Variants in ZNF518A observed in about 807,000 individuals in gnomAD.
The protein encoded by ZNF518A is zinc finger protein 518.
A neutral mutation model predicts 102.7 loss-of-function variants in ZNF518A; 47 were observed. That is an observed-to-expected ratio of 0.46 (90% CI 0.36 to 0.58). ZNF518A has a LOEUF of 0.58. Among genes scored for constraint, ZNF518A ranks in the 20% least tolerant of loss-of-function variants. The pLI, the probability that ZNF518A is intolerant of heterozygous loss-of-function variation, is 0.00. For synonymous variants in ZNF518A, 652 were observed against 594.6 expected (o/e 1.10, Z -1.40); for missense variants, 1,793 against 1,699.8 (o/e 1.05, Z -0.96).
intron 3 of ZNF518A, among the ~76,000 whole-genome samples, chr10:96,144,266 A>G (rs2082070640): frequency 6.6e-6 from 1 of 152,120 alleles, no homozygotes; most frequent in African/African-American, 2.4e-5. Flanking sequence ...GATTATAGGC[A>G]TGAGTCACCA....
chr10:96,157,993 A>T lies in ZNF518A; in HGVS notation c.1671A>T (p.Ser557=). ...GTGTATCTTCTTTGTCAGCAACATC[A>T]GAATTGGTTACAGCATCAGTGAATT... is the stretch of plus-strand genomic sequence containing the variant. ...EKSVSSLSAT[S]ELVTASVNLT... Residue 557 remains serine, a synonymous_variant, in exon 6 of 6, where the codon TCA becomes TCT. Coordinates refer to ENST00000316045, the MANE Select transcript of ZNF518A (RefSeq NM_001330736.2). 1 of 1,613,832 alleles carries T rather than the reference A, an allele frequency of 6.2e-7. No individual in the cohort carries two copies. The highest frequency in any genetic ancestry group is 8.5e-7 in the Non-Finnish European group (1 of 1,179,784).
intron 3 of ZNF518A, among the ~76,000 whole-genome samples, chr10:96,138,764 A>G (rs1554875420): frequency 6.6e-6 from 1 of 152,196 alleles, no homozygotes; most frequent in Non-Finnish European, 1.5e-5. Flanking sequence ...CAAGTCTGGC[A>G]GCATCCCACA....
intron 1 of ZNF518A, among the ~76,000 whole-genome samples, chr10:96,201,384 A>C (rs371071341): frequency 1.3e-5 from 2 of 152,270 alleles, no homozygotes; most frequent in Non-Finnish European, 2.9e-5. Flanking sequence ...GCAGTAACAT[A>C]CATTAAAGAG....
rs1389618093 is a variant in ZNF518A, at chr10:96,175,909, T to C, written n.35+19862T>C. 1.9e-4 allele frequency among the ~76,000 whole-genome samples: 25 copies of C among 134,126 alleles called. 1 individual carries two copies. The highest frequency in any genetic ancestry group is 3.1e-4 in the South Asian group (1 of 3,214). The allele number at this position is 134,126 out of a possible 152,430, so 88.0% of individuals were successfully genotyped here. A position where few individuals can be genotyped will look rare whatever the true frequency, so the allele number is the denominator to read the frequency against. On this transcript the variant is annotated intron_variant and non_coding_transcript_variant, in intron 1 of 2. Transcript: ENST00000442635. Reference sequence around the variant, plus strand: ...TTCCTTCCTTCCTTCCTTCCTTCCTTCCTTCCTTCCTTCCTTCCTTCCTTC... The same window carrying C: ...TTCCTTCCTTCCTTCCTTCCTTCCTCCCTTCCTTCCTTCCTTCCTTCCTTC...
Position 96,159,720 on chromosome 10 carries a change from C to T in ZNF518A, c.3398C>T (p.Pro1133Leu). Residue 1133 changes from proline to leucine, a missense_variant, in exon 6 of 6, where the codon CCA becomes CTA. Physicochemically the swap from Pro to Leu is moderately conservative, Grantham distance 98. Around this residue, in one of 3 missense-constraint regions of ZNF518A, gnomAD observed 1,741 missense variants for 1,622.6 expected, o/e 1.07. Coordinates refer to ENST00000316045, the MANE Select transcript of ZNF518A (RefSeq NM_001330736.2). ...VQNSTYQNIQ[P>L]KKPEGTPQRI... ...AATAGTACTTATCAAAATATACAGC[C>T]AAAGAAACCTGAAGGAACACCACAA... 2 of 1,613,106 alleles carry T rather than the reference C, an allele frequency of 1.2e-6. No homozygotes were observed. Among genetic ancestry groups the T allele is most frequent in the South Asian group, 1.1e-5 (1 of 91,068 alleles).
chr10:96,188,744 C>G (rs2083287527), intron 1 of ZNF518A, among the ~76,000 whole-genome samples: 1 of 152,122 alleles, frequency 6.6e-6, no homozygotes, highest in South Asian at 2.1e-4. Context: ...TCCCAAACCC[C>G]TATATACCTG....
intron 3 of ZNF518A, 90 bp downstream of exon 3, chr10:96,133,738 A>C (rs781783620): frequency 1.3e-4 from 20 of 152,236 alleles, no homozygotes; most frequent in Non-Finnish European, 2.4e-4. Flanking sequence ...ACCACCTTAC[A>C]GTATTGCTTT....
downstream of ZNF518A, among the ~76,000 whole-genome samples, chr10:96,165,571 A>G (rs1277329121): frequency 2.0e-5 from 3 of 151,784 alleles, no homozygotes; most frequent in African/African-American, 4.8e-5. Context: ...CCTGCTTAGC[A>G]GATTACATTT....
intron 1 of ZNF518A, chr10:96,191,862 T>G: frequency 6.9e-7 from 1 of 1,441,962 alleles, no homozygotes; most frequent in Non-Finnish European, 9.7e-7. Context: ...ATCTTCCATT[T>G]TATTACTGGA....
At chr10:96,153,696 T>G (rs2082558895) in intron 3 of ZNF518A, among the ~76,000 whole-genome samples, 1 of 152,202 alleles carries the variant, frequency 6.6e-6, no homozygotes, top group African/African-American at 2.4e-5. Context: ...CTTACAAAAA[T>G]GTTCCCAATG....
chr10:96,158,286 C>T lies in ZNF518A; in HGVS notation c.1964C>T (p.Ser655Leu), dbSNP rs782071713. Reference sequence around the variant, plus strand: ...AATTCTAATAAACGTCGTAGGTTTTCAGGAACAGCAGTGTATGAAAACCCT... The same window carrying T: ...AATTCTAATAAACGTCGTAGGTTTTTAGGAACAGCAGTGTATGAAAACCCT... ...VNNSNKRRRF[S>L]GTAVYENPQR... Residue 655 changes from serine (S) to leucine (L), a missense_variant, in exon 6 of 6, where the codon TCA becomes TTA. By Grantham distance (145) the Ser-to-Leu change is moderately radical (BLOSUM62 -2). Coordinates refer to ENST00000316045, the MANE Select transcript of ZNF518A (RefSeq NM_001330736.2). 6.2e-6 allele frequency: 10 copies of T among 1,613,374 alleles called. No individual in the cohort carries two copies. Among genetic ancestry groups the T allele is most frequent in the Middle Eastern group, 1.6e-4 (1 of 6,084 alleles).
chr10:96,141,055 G>T (rs1175691086), intron 3 of ZNF518A, among the ~76,000 whole-genome samples: 1 of 152,140 alleles, frequency 6.6e-6, no homozygotes, highest in East Asian at 1.9e-4. Flanking sequence ...GCTAGAAAGT[G>T]ATTTAATCTA....
intron 1 of ZNF518A, among the ~76,000 whole-genome samples, chr10:96,202,153 A>G (rs587633816): frequency 6.6e-6 from 1 of 152,276 alleles, no homozygotes; most frequent in African/African-American, 2.4e-5. Context: ...CAATGAAGGG[A>G]CCAGATTTAT....
chr10:96,182,791 G>A (rs1435450741), intron 1 of ZNF518A, among the ~76,000 whole-genome samples: 1 of 151,950 alleles, frequency 6.6e-6, no homozygotes, highest in Non-Finnish European at 1.5e-5. Context: ...AATTGTTTTT[G>A]TTGTGTCTCT....
chr10:96,202,127 ACAGT>A (rs2083659233), intron 1 of ZNF518A, among the ~76,000 whole-genome samples: 3 of 152,242 alleles, frequency 2.0e-5, no homozygotes, highest in Admixed American at 2.0e-4. Context: ...AGTAAGAGAT[ACAGT>A]CAGACAGGAG....
chr10:96,181,842 A>T (rs1346893440), intron 1 of ZNF518A, among the ~76,000 whole-genome samples: 1 of 152,114 alleles, frequency 6.6e-6, no homozygotes, highest in East Asian at 1.9e-4. Flanking sequence ...GTTCCATATG[A>T]ACTCTAAAAT....
At position 96,203,034 on chromosome 10, in the gene ZNF518A, T is replaced by C. The variant is rs587762250; in HGVS notation, n.36-540T>C. Among the ~76,000 whole-genome samples, 3 of 152,334 alleles carry C rather than the reference T, an allele frequency of 2.0e-5. No homozygotes were observed. The South Asian group carries it at 6.2e-4, about 32-fold the overall frequency. On this transcript the variant is annotated intron_variant and non_coding_transcript_variant, in intron 1 of 2. Coordinates refer to the ZNF518A transcript ENST00000442635. ...ATAGCACTTCAGCATTTACCTGATA[T>C]GATATTATTTGTGCGTTTATTTTTA...
intron 1 of ZNF518A, among the ~76,000 whole-genome samples, chr10:96,186,694 C>A (rs1201045404): frequency 6.6e-6 from 1 of 152,150 alleles, no homozygotes; most frequent in Non-Finnish European, 1.5e-5. Context: ...CTGCGCCTGG[C>A]CTAGGTTGCA....
chr10:96,157,135 C>T lies in ZNF518A; in HGVS notation c.813C>T (p.Ala271=). The T allele has an allele frequency of 1.9e-6, 3 of 1,613,622 alleles. No homozygotes were observed. Among genetic ancestry groups the T allele is most frequent in the Non-Finnish European group, 2.5e-6 (3 of 1,179,746 alleles). ...PFTCQYCSYG[A]TRREHLVRHV... ...CTTGTCAATATTGTAGCTATGGTGC[C>T]ACCAGGAGAGAACACCTTGTAAGAC... is the stretch of plus-strand genomic sequence containing the variant. The change falls in exon 6 of 6, where the codon GCC becomes GCT. Residue 271 remains alanine (A), a synonymous_variant. Transcript: ENST00000316045.
Sources: gnomAD v4.1 joint callset for allele counts (sites outside exome capture counted in the v4.1 genomes callset) on GRCh38, gnomAD v4.1.1 for gene constraint, gnomAD v4.1.1 regional missense constraint, MANE v1.5 for transcripts, NCBI Gene and HGNC (gene_info 2026-07-23, HGNC 2026-07-21) for gene names.